Variants in COL15A1 observed in about 807,000 individuals in gnomAD.
COL15A1 encodes collagen type XV alpha 1 chain, also known as collagen alpha-1(XV) chain.
Under a neutral mutation model 165.9 loss-of-function variants are expected in COL15A1, and 111 were observed. The ratio of observed to expected loss-of-function variants is 0.67; its 90% CI spans 0.57 to 0.78. The LOEUF (loss-of-function observed/expected upper bound fraction) is 0.78. COL15A1 is among the 30% of genes least tolerant of loss of function. The pLI, the probability that COL15A1 is intolerant of heterozygous loss-of-function variation, is 0.00. For synonymous variants in COL15A1, 659 were observed against 674.8 expected (o/e 0.98, Z 0.36); for missense variants, 1,745 against 1,789.7 (o/e 0.98, Z 0.45).
intron 2 of COL15A1, among the ~76,000 whole-genome samples, chr9:98,975,983 T>A (rs983489335): frequency 6.6e-6 from 1 of 152,172 alleles, no homozygotes; most frequent in Non-Finnish European, 1.5e-5. Context: ...AATGAGGAGA[T>A]GAAGCAGAGG....
Position 98,944,261 on chromosome 9 carries a change from C to T in COL15A1, c.100+11C>T. On this transcript the variant is annotated intron_variant, in intron 2 of 41. Transcript: ENST00000375001. ...CCCGCGGTGCGACAGGTAAGCAACC[C>T]GGTCGGAGGGTGGCACCGGCTGCCT... 6 of 1,612,544 alleles carry T rather than the reference C, an allele frequency of 3.7e-6. No individual in the cohort carries two copies. The highest frequency in any genetic ancestry group is 5.1e-6 in the Non-Finnish European group (6 of 1,179,418).
chr9:98,958,934 G>A (rs867882101), intron 2 of COL15A1, among the ~76,000 whole-genome samples: 156 of 152,040 alleles, frequency 1.0e-3, no homozygotes, highest in African/African-American at 3.5e-3. Context: ...TGGCTGATGC[G>A]CCCCATTTCT....
chr9:98,954,256 CAT>C (rs1445373517), intron 2 of COL15A1, among the ~76,000 whole-genome samples: 2 of 152,056 alleles, frequency 1.3e-5, no homozygotes, highest in South Asian at 2.1e-4. Flanking sequence ...AAAAATAATA[CAT>C]AGTTATTATA....
At chr9:98,977,525 C>T (rs189004791) in intron 2 of COL15A1, among the ~76,000 whole-genome samples, 7 of 152,386 alleles carry the variant, frequency 4.6e-5, no homozygotes, top group Non-Finnish European at 1.0e-4. Context: ...GGGTCGTCCC[C>T]TACCACGCCA....
intron 16 of COL15A1, among the ~76,000 whole-genome samples, chr9:99,031,628 A>C (rs1056938594): frequency 2.0e-5 from 3 of 152,166 alleles, no homozygotes; most frequent in Non-Finnish European, 4.4e-5. Flanking sequence ...CTAGAGTCCC[A>C]AAGTTTCAGA....
chr9:98,985,071 C>T (rs1381301928), intron 2 of COL15A1, among the ~76,000 whole-genome samples: 4 of 152,044 alleles, frequency 2.6e-5, no homozygotes, highest in Non-Finnish European at 4.4e-5. Context: ...GGATTTTAGG[C>T]GTGAGCCACC....
intron 41 of COL15A1, among the ~76,000 whole-genome samples, 200 bp from the exon 42 acceptor site, chr9:99,069,473 T>C (rs187646618): frequency 6.6e-6 from 1 of 152,138 alleles, no homozygotes; most frequent in Non-Finnish European, 1.5e-5. Context: ...GAGGGTGTGA[T>C]TTGAAAACAA....
chr9:99,024,038 G>T (rs1449268827), intron 14 of COL15A1, among the ~76,000 whole-genome samples: 2 of 152,134 alleles, frequency 1.3e-5, no homozygotes, highest in Non-Finnish European at 2.9e-5. Flanking sequence ...AGCTGCAGCT[G>T]GTGCCTCTGT....
At position 99,044,749 on chromosome 9, in the gene COL15A1, G is replaced by C. The variant is rs202203927; in HGVS notation, c.2658G>C (p.Met886Ile). ...TCCTGTTTTAGGGTGAACCTGGAAT[G>C]CATGGAGCCCCAGGACCAATGGTAA... ...RLMGKKGEPGMHGAPGPMGPK... is the reference protein window; with the variant it reads ...RLMGKKGEPGIHGAPGPMGPK... The change falls in exon 26 of 42, where the codon ATG becomes ATC. Residue 886 changes from methionine (M) to isoleucine (I), a missense_variant. Physicochemically the swap from Met to Ile is conservative, Grantham distance 10 (BLOSUM62 1). Transcript: ENST00000375001. The C allele has an allele frequency of 6.2e-6, 10 of 1,613,804 alleles. No homozygotes were observed. The highest frequency in any genetic ancestry group is 8.5e-6 in the Non-Finnish European group (10 of 1,179,778).
At chr9:99,012,101 A>G (rs1456608034) in intron 9 of COL15A1, among the ~76,000 whole-genome samples, 1 of 152,252 alleles carries the variant, frequency 6.6e-6, no homozygotes, top group Non-Finnish European at 1.5e-5. Context: ...TGCTTGATCA[A>G]TAAATGCAAA....
At chr9:99,003,989 C>A (rs956980983) in intron 8 of COL15A1, among the ~76,000 whole-genome samples, 1 of 152,052 alleles carries the variant, frequency 6.6e-6, no homozygotes, top group African/African-American at 2.4e-5. Flanking sequence ...AAGTAGAAGT[C>A]GCCTAGCAGA....
intron 16 of COL15A1, among the ~76,000 whole-genome samples, chr9:99,032,157 G>A (rs1335725156): frequency 1.3e-5 from 2 of 150,872 alleles, no homozygotes; most frequent in East Asian, 1.9e-4. Context: ...CCTCTGCATT[G>A]TTACTAAATG....
chr9:99,055,479 G>T, intron 34 of COL15A1, 107 bp downstream of exon 34: 1 of 692,854 alleles, frequency 1.4e-6, no homozygotes. Context: ...ATAAGCTGGA[G>T]GCAGAGCTTG....
chr9:98,965,670 G>A (rs1837944106), intron 2 of COL15A1, among the ~76,000 whole-genome samples: 1 of 152,164 alleles, frequency 6.6e-6, no homozygotes, highest in South Asian at 2.1e-4. Context: ...TCACTCCACT[G>A]TGTTCACCTG....
At chr9:99,067,601 G>A (rs1313813200) in intron 40 of COL15A1, among the ~76,000 whole-genome samples, 1 of 152,122 alleles carries the variant, frequency 6.6e-6, no homozygotes, top group Non-Finnish European at 1.5e-5. Context: ...GAGAAACCTC[G>A]TTGCCACTCA....
intron 12 of COL15A1, 68 bp from the exon 13 acceptor site, chr9:99,022,023 C>T (rs1216123819): frequency 6.3e-7 from 1 of 1,595,634 alleles, no homozygotes; most frequent in Admixed American, 1.7e-5. Context: ...AGCACGATTT[C>T]TACAGAAAGG....
At chr9:99,027,656 A>G (rs1260538927) in intron 16 of COL15A1, among the ~76,000 whole-genome samples, 2 of 152,190 alleles carry the variant, frequency 1.3e-5, no homozygotes, top group East Asian at 1.9e-4. Flanking sequence ...TGCTTGAAGA[A>G]TCAGCAGTGC....
At chr9:99,014,863 T>G (rs1022297287) in intron 9 of COL15A1, among the ~76,000 whole-genome samples, 3 of 152,202 alleles carry the variant, frequency 2.0e-5, no homozygotes, top group Admixed American at 6.5e-5. Flanking sequence ...ATGTCATAGG[T>G]AGATAAAAGA....
chr9:98,987,734 A>G (rs1838340044), intron 4 of COL15A1, among the ~76,000 whole-genome samples: 1 of 152,256 alleles, frequency 6.6e-6, no homozygotes, highest in African/African-American at 2.4e-5. Context: ...TATGCTTGGC[A>G]AATGAGTTCG....
Sources: gnomAD v4.1 joint callset for allele counts (sites outside exome capture counted in the v4.1 genomes callset) on GRCh38, gnomAD v4.1.1 for gene constraint, MANE v1.5 for transcripts, NCBI Gene and HGNC (gene_info 2026-07-23, HGNC 2026-07-21) for gene names.